Variants in MTUS2 observed in about 807,000 individuals in gnomAD.
MTUS2 encodes the protein microtubule-associated tumor suppressor candidate 2.
A neutral mutation model predicts 114.1 loss-of-function variants in MTUS2; 40 were observed. The ratio of observed to expected loss-of-function variants is 0.35; its 90% CI spans 0.27 to 0.46. The LOEUF is 0.46. Ranked by LOEUF, MTUS2 falls within the 20% of genes least tolerant of loss-of-function variation. The probability of loss-of-function intolerance (pLI) is 1.00; values close to 1 mark genes in which losing one functional copy is unlikely to be tolerated. For missense variants in MTUS2, 1,679 were observed against 1,705.4 expected (o/e 0.98, Z 0.27); for synonymous variants, 688 against 672.0 (o/e 1.02, Z -0.37).
intron 8 of MTUS2, among the ~76,000 whole-genome samples, chr13:29,377,717 A>T (rs1342826970): frequency 6.6e-6 from 1 of 152,194 alleles, no homozygotes; most frequent in Non-Finnish European, 1.5e-5. Flanking sequence ...AAGTAGAAAC[A>T]GGAAAGCAAA....
At chr13:29,114,084 C>A (rs1890987837) in intron 5 of MTUS2, among the ~76,000 whole-genome samples, 1 of 152,098 alleles carries the variant, frequency 6.6e-6, no homozygotes, top group South Asian at 2.1e-4. Context: ...TTGGAAGCTT[C>A]CTGAGGCCCT....
At chr13:29,163,824 A>G (rs959460005) in intron 5 of MTUS2, among the ~76,000 whole-genome samples, 4 of 152,186 alleles carry the variant, frequency 2.6e-5, no homozygotes, top group Non-Finnish European at 4.4e-5. Flanking sequence ...TTCACAGTGC[A>G]TGCAGTCATA....
chr13:29,263,864 G>T (rs1897568555), intron 5 of MTUS2, among the ~76,000 whole-genome samples: 1 of 152,120 alleles, frequency 6.6e-6, no homozygotes, highest in South Asian at 2.1e-4. Flanking sequence ...TGGGGACACA[G>T]ATCCAAACCA....
intron 8 of MTUS2, among the ~76,000 whole-genome samples, chr13:29,369,187 G>A (rs1159946358): frequency 3.3e-5 from 5 of 152,158 alleles, no homozygotes; most frequent in African/African-American, 9.7e-5. Flanking sequence ...CTGTAAAGAG[G>A]TAAGGACAAC....
chr13:29,054,890 A>T (rs1441334126), intron 4 of MTUS2, among the ~76,000 whole-genome samples: 1 of 151,946 alleles, frequency 6.6e-6, no homozygotes, highest in African/African-American at 2.4e-5. Flanking sequence ...GATTTCTTAG[A>T]TACTCTTCTG....
At position 29,281,839 on chromosome 13, in the gene MTUS2, C is replaced by T. The variant is rs759235281; in HGVS notation, c.2780C>T (p.Ala927Val). ...GCACCCCGCAGGAGTTTACTTCCAG[C>T]GCCAAAATCCACTTCCACACCCGCT... ...VTAPRRSLLP[A>V]PKSTSTPAGT... The change falls in exon 6 of 16, where the codon GCG becomes GTG. Residue 927 changes from alanine to valine, a missense_variant. By Grantham distance (64) the Ala-to-Val change is moderately conservative (BLOSUM62 0). Coordinates refer to ENST00000612955, the MANE Select transcript of MTUS2 (RefSeq NM_001033602.4). The T allele has an allele frequency of 6.9e-6, 11 of 1,603,532 alleles. No individual in the cohort carries two copies. Among genetic ancestry groups the T allele is most frequent in the African/African-American group, 1.3e-5 (1 of 74,760 alleles).
chr13:29,379,518 A>G (rs1420805165), intron 8 of MTUS2, among the ~76,000 whole-genome samples: 1 of 152,192 alleles, frequency 6.6e-6, no homozygotes, highest in African/African-American at 2.4e-5. Context: ...CTGGCTGTGC[A>G]CTGTGGCCGT....
intron 6 of MTUS2, among the ~76,000 whole-genome samples, chr13:29,315,896 A>G (rs891131731): frequency 3.9e-5 from 6 of 152,146 alleles, no homozygotes; most frequent in Admixed American, 6.5e-5. Flanking sequence ...AACCAGAAAG[A>G]AGGATATGTG....
intron 6 of MTUS2, among the ~76,000 whole-genome samples, chr13:29,312,964 G>A (rs1274355123): frequency 6.6e-6 from 1 of 152,192 alleles, no homozygotes; most frequent in Non-Finnish European, 1.5e-5. Context: ...CAAGGTTCAT[G>A]TTATTTTCCA....
At chr13:29,222,816 C>G (rs1025303195) in intron 5 of MTUS2, among the ~76,000 whole-genome samples, 1 of 152,246 alleles carries the variant, frequency 6.6e-6, no homozygotes, top group African/African-American at 2.4e-5. Context: ...TCTCCCCTCT[C>G]CTGGCATCTG....
chr13:29,449,876 G>A (rs1244191424), intron 9 of MTUS2, among the ~76,000 whole-genome samples: 7 of 152,158 alleles, frequency 4.6e-5, no homozygotes, highest in South Asian at 4.1e-4. Flanking sequence ...ACAAAATCCC[G>A]AAACAATGGT....
At chr13:29,034,625 T>C (rs139860365) in intron 4 of MTUS2, among the ~76,000 whole-genome samples, 2 of 152,236 alleles carry the variant, frequency 1.3e-5, no homozygotes, top group East Asian at 1.9e-4. Context: ...AGTTGCCACA[T>C]AGAGAAGTGC....
chr13:28,912,867 A>T (rs73161848), intron 2 of MTUS2, among the ~76,000 whole-genome samples: 13,220 of 151,818 alleles, frequency 0.087, 626 homozygotes, highest in South Asian at 0.13. Context: ...GCACATTTTT[A>T]AAAAAAATTT....
intron 7 of MTUS2, among the ~76,000 whole-genome samples, chr13:29,352,377 C>T (rs956369014): frequency 2.6e-5 from 4 of 152,196 alleles, no homozygotes; most frequent in African/African-American, 9.7e-5. Context: ...CATTCTGACG[C>T]AGCTGTTTTG....
chr13:29,410,989 A>T (rs1875189603), intron 8 of MTUS2, among the ~76,000 whole-genome samples: 1 of 151,938 alleles, frequency 6.6e-6, no homozygotes, highest in Non-Finnish European at 1.5e-5. Context: ...ATGCCACCAC[A>T]CCCGGCTAAT....
chr13:28,852,949 A>ATACG (rs1876387265), intron 2 of MTUS2, among the ~76,000 whole-genome samples: 1 of 10,442 alleles, frequency 9.6e-5, no homozygotes, highest in African/African-American at 2.1e-4. Context: ...TCTGTCTTAA[A>ATACG]TACATACATA....
chr13:29,093,023 C>T (rs932807209), intron 4 of MTUS2, among the ~76,000 whole-genome samples: 3 of 152,168 alleles, frequency 2.0e-5, no homozygotes, highest in African/African-American at 7.2e-5. Context: ...TCCTGTCCCA[C>T]TTCCTAGCAT....
intron 2 of MTUS2, among the ~76,000 whole-genome samples, chr13:29,011,527 C>G (rs1885844446): frequency 1.3e-5 from 2 of 152,212 alleles, no homozygotes; most frequent in Non-Finnish European, 2.9e-5. Context: ...CAATCTTACT[C>G]ATTTATCTCA....
chr13:29,286,264 G>A (rs1291798237), intron 6 of MTUS2, among the ~76,000 whole-genome samples: 4 of 152,206 alleles, frequency 2.6e-5, no homozygotes. Context: ...TTGTGGCTAT[G>A]TTTTTAAAAA....
Sources: gnomAD v4.1 joint callset for allele counts (sites outside exome capture counted in the v4.1 genomes callset) on GRCh38, gnomAD v4.1.1 for gene constraint, MANE v1.5 for transcripts, NCBI Gene and HGNC (gene_info 2026-07-23, HGNC 2026-07-21) for gene names.